Variants in TAPT1 observed in about 807,000 individuals in gnomAD.
TAPT1 encodes transmembrane anterior posterior transformation protein 1 homolog.
TAPT1 carries 28 observed loss-of-function variants against 65.6 expected under a neutral mutation model. The observed-to-expected ratio is 0.43, with a 90% CI of 0.32 to 0.59. The LOEUF is 0.59. TAPT1 is among the 20% of genes least tolerant of loss of function. The pLI, the probability that TAPT1 is intolerant of heterozygous loss-of-function variation, is 0.09. For synonymous variants in TAPT1, 278 were observed against 245.2 expected, an observed-to-expected ratio of 1.13 and a Z score of -1.25; for missense variants, 563 against 679.9, an observed-to-expected ratio of 0.83 and a Z score of 1.91.
At chr4:16,216,930 C>T (rs955615931) in intron 1 of TAPT1, among the ~76,000 whole-genome samples, 4 of 152,336 alleles carry the variant, frequency 2.6e-5, no homozygotes, top group African/African-American at 7.2e-5. Flanking sequence ...CATCCCAGAA[C>T]CTCTACAACT....
intron 4 of TAPT1, among the ~76,000 whole-genome samples, chr4:16,189,167 A>T (rs76775137): frequency 0.024 from 3,617 of 152,272 alleles, 135 homozygotes; most frequent in African/African-American, 0.082. Context: ...GTAAAAATTG[A>T]CACATAAAAG....
At chr4:16,197,815 G>A (rs1361913762) in intron 3 of TAPT1, among the ~76,000 whole-genome samples, 3 of 152,172 alleles carry the variant, frequency 2.0e-5, no homozygotes, top group South Asian at 4.1e-4. Context: ...ATATACATAA[G>A]TGAATCTGCT....
rs1380721583 is a variant in TAPT1 at position 16,161,835 on chromosome 4, T to TA, written c.*1472dup. On this transcript the variant is annotated 3_prime_UTR_variant, in exon 14 of 14. Transcript: ENST00000405303. ...TCATCCAAGAAACAGACAAATCACC[T>TA]AAAAATTGCTTTCTGCCTATGTATG... is the stretch of plus-strand genomic sequence containing the variant. 6.6e-6 allele frequency: 1 copy of TA among 152,168 alleles called. No homozygotes were observed. Among genetic ancestry groups the TA allele is most frequent in the Non-Finnish European group, 1.5e-5 (1 of 68,028 alleles). The allele number at this position is 152,168 out of a possible 1,614,324, so 9.4% of individuals were successfully genotyped here.
chr4:16,166,897 G>A (rs1464933559), intron 12 of TAPT1, 104 bp from the exon 13 acceptor site: 11 of 1,105,288 alleles, frequency 1.0e-5, no homozygotes, highest in Admixed American at 4.3e-5. Context: ...GGCATGGGAC[G>A]GTGACAGATT....
chr4:16,205,868 T>A (rs974174997), intron 2 of TAPT1, among the ~76,000 whole-genome samples: 6 of 152,198 alleles, frequency 3.9e-5, no homozygotes, highest in African/African-American at 1.4e-4. Flanking sequence ...TTCCAAGGTA[T>A]CCTTGTCTTT....
At chr4:16,193,335 G>A (rs1749488852) in intron 3 of TAPT1, among the ~76,000 whole-genome samples, 1 of 152,220 alleles carries the variant, frequency 6.6e-6, no homozygotes, top group South Asian at 2.1e-4. Context: ...AGCAGTTGAA[G>A]TTAAGGCTTC....
At chr4:16,212,216 G>A (rs1289073978) in intron 2 of TAPT1, among the ~76,000 whole-genome samples, 1 of 152,126 alleles carries the variant, frequency 6.6e-6, no homozygotes, top group African/African-American at 2.4e-5. Flanking sequence ...TCTCCCCAGA[G>A]AAAAATGGGA....
At chr4:16,199,637 G>C (rs1749916848) in intron 3 of TAPT1, among the ~76,000 whole-genome samples, 1 of 152,066 alleles carries the variant, frequency 6.6e-6, no homozygotes, top group Non-Finnish European at 1.5e-5. Context: ...TGTCAACCAG[G>C]ATGGAATGCA....
At chr4:16,198,298 A>G (rs1453813802) in intron 3 of TAPT1, among the ~76,000 whole-genome samples, 1 of 152,200 alleles carries the variant, frequency 6.6e-6, no homozygotes, top group Non-Finnish European at 1.5e-5. Flanking sequence ...CTTCTCACAA[A>G]TGCTGTACAA....
Position 16,163,406 on chromosome 4 carries a change from C to T in TAPT1, c.1606G>A (p.Asp536Asn), listed in dbSNP as rs541506067. Residue 536 changes from aspartate (D) to asparagine (N), a missense_variant, in exon 14 of 14, where the codon GAC (aspartate) becomes AAC (asparagine). Asp to Asn is a conservative substitution (Grantham distance 23, BLOSUM62 1). Around this residue, in one of 5 missense-constraint regions of TAPT1, gnomAD observed 136 missense variants for 153.9 expected, o/e 0.88. Coordinates refer to ENST00000405303, the MANE Select transcript of TAPT1 (RefSeq NM_153365.3). ...AATTCAGAATTGTCCTGCGTTATGT[C>T]CTTCTCGTCACCATCTGGAGTTGTC... is the stretch of plus-strand genomic sequence containing the variant. ...FLTTPDGDEK[D>N]ITQDNSELKH... 3 of 1,613,958 alleles carry T rather than the reference C, an allele frequency of 1.9e-6. No individual in the cohort carries two copies. Among genetic ancestry groups the T allele is most frequent in the African/African-American group, 1.3e-5 (1 of 75,028 alleles).
At chr4:16,226,553 AGCCGCCGCCGCC>A, upstream of TAPT1, 1 of 742,382 alleles carries the variant, frequency 1.3e-6, no homozygotes, top group Non-Finnish European at 1.6e-6. Context: ...CCGGAGCCCG[AGCCGCCGCCGCC>A]GCCGCCGCCA....
upstream of TAPT1, chr4:16,226,923 G>A (rs1250288939): frequency 7.8e-6 from 3 of 383,796 alleles, no homozygotes; most frequent in Non-Finnish European, 1.5e-5. Flanking sequence ...TCCGCTCAGG[G>A]CCTCTTTTGC....
chr4:16,201,155 A>T (rs1292141851), intron 3 of TAPT1, among the ~76,000 whole-genome samples: 1 of 152,176 alleles, frequency 6.6e-6, no homozygotes, highest in African/African-American at 2.4e-5. Context: ...TCATCATAAT[A>T]ATTATTCCAA....
intron 4 of TAPT1, 134 bp downstream of exon 4, chr4:16,191,227 T>A: frequency 1.1e-6 from 1 of 877,590 alleles, no homozygotes; most frequent in Non-Finnish European, 1.7e-6. Flanking sequence ...CCCCAAGTGA[T>A]GACAGCACAG....
chr4:16,173,644 AAT>A (rs1413914050), intron 11 of TAPT1, among the ~76,000 whole-genome samples: 1 of 152,194 alleles, frequency 6.6e-6, no homozygotes, highest in African/African-American at 2.4e-5. Flanking sequence ...ACTGATAGAG[AAT>A]ATGTCTTCAT....
At chr4:16,213,714 A>T in intron 2 of TAPT1, 54 bp downstream of exon 2, 1 of 1,461,272 alleles carries the variant, frequency 6.8e-7, no homozygotes, top group Non-Finnish European at 9.1e-7. Flanking sequence ...TTGCATAATT[A>T]ATACTTTGAC....
chr4:16,215,900 A>G (rs77593233), intron 1 of TAPT1, among the ~76,000 whole-genome samples: 3,436 of 152,338 alleles, frequency 0.023, 129 homozygotes, highest in African/African-American at 0.078. Context: ...AAAACAGCCA[A>G]GACTAATGAA....
At chr4:16,177,457 C>T (rs1578422003) in intron 8 of TAPT1, among the ~76,000 whole-genome samples, 2 of 152,296 alleles carry the variant, frequency 1.3e-5, no homozygotes, top group South Asian at 2.1e-4. Flanking sequence ...ATGGAGATGA[C>T]ACAGCTGGGC....
chr4:16,172,370 T>A lies in TAPT1; in HGVS notation c.1237-1641A>T, dbSNP rs533225491. 2.2e-4 allele frequency among the ~76,000 whole-genome samples: 33 copies of A among 151,820 alleles called. No individual in the cohort carries two copies. In the East Asian group the frequency reaches 2.7e-3, roughly 12 times the overall value. ...ACCAATCCTTACAAAAAAAAAAAAA[T>A]TCAGGCCTTGTAGGTTTATCCTTAT... On this transcript the variant is annotated intron_variant, in intron 11 of 13. Coordinates refer to ENST00000405303, the MANE Select transcript of TAPT1 (RefSeq NM_153365.3).
Sources: gnomAD v4.1 joint callset for allele counts (sites outside exome capture counted in the v4.1 genomes callset) on GRCh38, gnomAD v4.1.1 for gene constraint, gnomAD v4.1.1 regional missense constraint, MANE v1.5 for transcripts, NCBI Gene and HGNC (gene_info 2026-07-23, HGNC 2026-07-21) for gene names.